Variants in PCDHA11 observed in about 807,000 individuals in gnomAD.
PCDHA11 encodes protocadherin alpha-11.
PCDHA11 carries 61 observed loss-of-function variants against 70.3 expected under a neutral mutation model. The ratio of observed to expected loss-of-function variants is 0.87; its 90% CI spans 0.71 to 1.07. The LOEUF is 1.07. Among genes scored for constraint, PCDHA11 ranks in the 50% least tolerant of loss-of-function variants. The probability of loss-of-function intolerance (pLI) is 0.00; values close to 1 mark genes in which losing one functional copy is unlikely to be tolerated. For synonymous variants in PCDHA11, 633 were observed against 555.1 expected (o/e 1.14, Z -1.97); for missense variants, 1,324 against 1,237.5 (o/e 1.07, Z -1.05).
intron 1 of PCDHA11, among the ~76,000 whole-genome samples, chr5:140,920,549 G>A (rs957534849): frequency 2.6e-5 from 4 of 152,120 alleles, no homozygotes; most frequent in Non-Finnish European, 5.9e-5. Flanking sequence ...TTTCACCTTC[G>A]AAGTGTGGCC....
intron 1 of PCDHA11, chr5:140,876,400 T>G: frequency 1.2e-6 from 2 of 1,613,928 alleles, no homozygotes; most frequent in Non-Finnish European, 1.7e-6. Context: ...TGAACTGGAT[T>G]TTGAAGAGAA....
At chr5:140,952,009 G>A (rs780606946) in intron 1 of PCDHA11, among the ~76,000 whole-genome samples, 1 of 152,102 alleles carries the variant, frequency 6.6e-6, no homozygotes, top group African/African-American at 2.4e-5. Flanking sequence ...AGAATTATAG[G>A]CCCCATGCAA....
At chr5:140,918,115 A>G (rs185486488) in intron 1 of PCDHA11, among the ~76,000 whole-genome samples, 14 of 152,198 alleles carry the variant, frequency 9.2e-5, no homozygotes, top group African/African-American at 3.1e-4. Flanking sequence ...CACATCCTTG[A>G]TTAGCCATAT....
intron 1 of PCDHA11, chr5:140,884,248 G>T (rs1554181373): frequency 1.2e-6 from 2 of 1,613,458 alleles, no homozygotes; most frequent in East Asian, 4.5e-5. Flanking sequence ...CCGCGCTGAC[G>T]GCCACGGCAA....
chr5:140,934,822 T>C (rs2090051776), intron 1 of PCDHA11, among the ~76,000 whole-genome samples: 1 of 152,218 alleles, frequency 6.6e-6, no homozygotes. Flanking sequence ...ATGCTAACTT[T>C]GGCAAGTTGG....
intron 3 of PCDHA11, among the ~76,000 whole-genome samples, chr5:140,991,929 C>T (rs1250639930): frequency 1.3e-5 from 2 of 152,088 alleles, no homozygotes; most frequent in South Asian, 2.1e-4. Flanking sequence ...ATAACATATT[C>T]ACAAGTTCTA....
intron 1 of PCDHA11, among the ~76,000 whole-genome samples, chr5:140,958,643 T>C (rs2095435479): frequency 1.3e-5 from 2 of 152,020 alleles, no homozygotes. Flanking sequence ...AGAAAACCAA[T>C]CACAGAAAGC....
intron 1 of PCDHA11, chr5:140,967,874 C>T: frequency 6.2e-7 from 1 of 1,614,132 alleles, no homozygotes; most frequent in Non-Finnish European, 8.5e-7. Context: ...GCTCACGGAC[C>T]TGTATAGCCC....
intron 3 of PCDHA11, among the ~76,000 whole-genome samples, chr5:140,984,755 A>G (rs1554246508): frequency 6.6e-6 from 1 of 152,172 alleles, no homozygotes; most frequent in Admixed American, 6.5e-5. Flanking sequence ...TTTGAGTTGA[A>G]TTCTAATCCC....
At chr5:140,906,924 T>G (rs1244538728) in intron 1 of PCDHA11, among the ~76,000 whole-genome samples, 1 of 152,226 alleles carries the variant, frequency 6.6e-6, no homozygotes, top group African/African-American at 2.4e-5. Flanking sequence ...GCCCAAAAAG[T>G]GTCCCGGTGT....
chr5:140,937,106 C>T (rs2091337574), intron 1 of PCDHA11, among the ~76,000 whole-genome samples: 1 of 149,206 alleles, frequency 6.7e-6, no homozygotes, highest in Admixed American at 6.7e-5. Context: ...GGCGCAGTCT[C>T]GGCTCACTGC....
At chr5:140,931,881 T>C (rs2087825880) in intron 1 of PCDHA11, among the ~76,000 whole-genome samples, 1 of 152,002 alleles carries the variant, frequency 6.6e-6, no homozygotes, top group African/African-American at 2.4e-5. Flanking sequence ...TTTATTGCTT[T>C]CATTTTATTT....
chr5:140,929,681 AAG>A, intron 1 of PCDHA11: 1 of 302,408 alleles, frequency 3.3e-6, no homozygotes, highest in Non-Finnish European at 6.3e-6. Flanking sequence ...AAAAATATGT[AAG>A]AGTCTGCTTT....
intron 1 of PCDHA11, among the ~76,000 whole-genome samples, chr5:140,902,816 G>A (rs1447534950): frequency 6.6e-6 from 1 of 150,906 alleles, no homozygotes; most frequent in Non-Finnish European, 1.5e-5. Flanking sequence ...TACAATATTT[G>A]GTTTTCGATT....
intron 1 of PCDHA11, among the ~76,000 whole-genome samples, chr5:140,976,335 G>T (rs1554237529): frequency 6.6e-6 from 1 of 152,140 alleles, no homozygotes; most frequent in East Asian, 1.9e-4. Flanking sequence ...TGGATTGCCT[G>T]AGGTCAGGTG....
intron 3 of PCDHA11, among the ~76,000 whole-genome samples, chr5:141,001,514 C>A (rs2098022369): frequency 6.6e-6 from 1 of 152,210 alleles, no homozygotes; most frequent in Admixed American, 6.5e-5. Flanking sequence ...GCTTAGCTTT[C>A]TCCCTCTCTC....
chr5:140,969,148 G>T, intron 1 of PCDHA11: 1 of 1,614,102 alleles, frequency 6.2e-7, no homozygotes. Flanking sequence ...ACTGCTACAA[G>T]GCCTGTCTGA....
rs57893927 is a variant in PCDHA11 at position 140,946,631 on chromosome 5, T to TATATAC, written c.2392-32317_2392-32316insTATACA. Among the ~76,000 whole-genome samples, 104 of 131,796 alleles carry TATATAC rather than the reference T, an allele frequency of 7.9e-4. 5 individuals are homozygous for TATATAC. Among genetic ancestry groups the TATATAC allele is most frequent in the Admixed American group, 1.7e-3 (23 of 13,490 alleles). The allele number at this position is 131,796 out of a possible 152,430, so 86.5% of individuals were successfully genotyped here. Reference sequence around the variant, plus strand: ...TGTGAAATATATATATATATATATATACAATGGAATACTCATCAGCCATTA... The same window carrying TATATAC: ...TGTGAAATATATATATATATATATATATATACACAATGGAATACTCATCAGCCATTA... On this transcript the variant is annotated intron_variant, in intron 1 of 3. Transcript: ENST00000398640.
chr5:140,939,812 A>T (rs1277082652), intron 1 of PCDHA11, among the ~76,000 whole-genome samples: 4 of 152,196 alleles, frequency 2.6e-5, no homozygotes, highest in Non-Finnish European at 2.9e-5. Flanking sequence ...ATGTTCAAGA[A>T]AAAGCAGTAT....
Sources: gnomAD v4.1 joint callset for allele counts (sites outside exome capture counted in the v4.1 genomes callset) on GRCh38, gnomAD v4.1.1 for gene constraint, MANE v1.5 for transcripts, NCBI Gene and HGNC (gene_info 2026-07-23, HGNC 2026-07-21) for gene names.